The following PRKG1 variants were observed in gnomAD, a reference collection of about 807,000 sequenced individuals.
The protein encoded by PRKG1 is cGMP-dependent protein kinase 1.
In PRKG1, 35 loss-of-function variants were observed where a neutral mutation model predicts 88.1. That is an observed-to-expected ratio of 0.40 (90% confidence interval 0.30 to 0.53). PRKG1 has a LOEUF of 0.53. Ranked by LOEUF, PRKG1 falls within the 20% of genes least tolerant of loss-of-function variation. The probability of loss-of-function intolerance (pLI) is 0.59; values close to 1 mark genes in which losing one functional copy is unlikely to be tolerated. For synonymous variants in PRKG1, 303 were observed against 292.5 expected (o/e 1.04, Z -0.37); for missense variants, 540 against 839.8 (o/e 0.64, Z 4.41).
chr10:51,720,593 T>C (rs1249511516), intron 3 of PRKG1, among the ~76,000 whole-genome samples: 3 of 152,142 alleles, frequency 2.0e-5, no homozygotes, highest in African/African-American at 7.2e-5. Context: ...TTATAATTTA[T>C]TGTCCAAACA....
At chr10:51,904,090 C>G (rs1842036174) in intron 4 of PRKG1, among the ~76,000 whole-genome samples, 1 of 152,128 alleles carries the variant, frequency 6.6e-6, no homozygotes, top group South Asian at 2.1e-4. Flanking sequence ...TGGAAAAGCA[C>G]TGCACATTAG....
intron 3 of PRKG1, among the ~76,000 whole-genome samples, chr10:51,545,144 A>G (rs1211218358): frequency 6.6e-6 from 1 of 152,098 alleles, no homozygotes; most frequent in Non-Finnish European, 1.5e-5. Context: ...AATACACTTA[A>G]TATGTGCATC....
At chr10:51,865,436 G>A (rs76809814) in intron 4 of PRKG1, among the ~76,000 whole-genome samples, 13,979 of 151,878 alleles carry the variant, frequency 0.092, 825 homozygotes, top group African/African-American at 0.16. Context: ...TCTTTTGAAG[G>A]CATTAAGCAT....
At chr10:51,585,924 C>T (rs148798874) in intron 3 of PRKG1, among the ~76,000 whole-genome samples, 182 of 152,096 alleles carry the variant, frequency 1.2e-3, no homozygotes, top group African/African-American at 4.0e-3. Flanking sequence ...ACATGATAAA[C>T]GGGTACACAT....
intron 3 of PRKG1, among the ~76,000 whole-genome samples, chr10:51,507,308 TAAAAA>T (rs1255440927): frequency 6.7e-6 from 1 of 148,480 alleles, no homozygotes; most frequent in African/African-American, 2.5e-5. Context: ...TAAAAAAAAA[TAAAAA>T]TAAAAATAAA....
intron 2 of PRKG1, among the ~76,000 whole-genome samples, chr10:51,186,840 A>G (rs1249941583): frequency 2.0e-5 from 3 of 151,386 alleles, no homozygotes; most frequent in Non-Finnish European, 4.4e-5. Context: ...TGCAGTTTCT[A>G]TACTTTTTAC....
intron 7 of PRKG1, among the ~76,000 whole-genome samples, chr10:52,087,642 G>T (rs146438382): frequency 6.6e-6 from 1 of 152,168 alleles, no homozygotes; most frequent in East Asian, 1.9e-4. Flanking sequence ...AATATTTTGT[G>T]CTACACTGGT....
At chr10:51,449,546 G>A (rs1405638546) in intron 2 of PRKG1, among the ~76,000 whole-genome samples, 1 of 141,660 alleles carries the variant, frequency 7.1e-6, no homozygotes, top group Non-Finnish European at 1.5e-5. Context: ...CCCAAGGCTA[G>A]CAAACTTCAA....
intron 9 of PRKG1, among the ~76,000 whole-genome samples, chr10:52,196,259 G>A (rs900542850): frequency 5.9e-5 from 9 of 151,984 alleles, no homozygotes; most frequent in Admixed American, 2.6e-4. Context: ...CTCATGATCC[G>A]CCCTCCTCAG....
chr10:51,848,585 CAGA>C (rs1840462853), intron 4 of PRKG1, among the ~76,000 whole-genome samples: 2 of 151,780 alleles, frequency 1.3e-5, no homozygotes, highest in African/African-American at 4.8e-5. Context: ...TTCCTAGAGA[CAGA>C]AGATCATCAG....
intron 2 of PRKG1, among the ~76,000 whole-genome samples, chr10:51,274,902 T>C (rs886389720): frequency 6.6e-6 from 1 of 152,222 alleles, no homozygotes; most frequent in Non-Finnish European, 1.5e-5. Context: ...TGGATAGTTG[T>C]CTCTGCCACA....
At chr10:51,735,157 G>A (rs140044729) in intron 3 of PRKG1, among the ~76,000 whole-genome samples, 86 of 152,252 alleles carry the variant, frequency 5.6e-4, no homozygotes, top group African/African-American at 1.9e-3. Context: ...AAAACAAATT[G>A]CTCACTTCCA....
chr10:51,254,098 TAC>T (rs375804126), intron 2 of PRKG1, among the ~76,000 whole-genome samples: 14 of 151,990 alleles, frequency 9.2e-5, no homozygotes, highest in African/African-American at 2.4e-4. Context: ...TATACACACA[TAC>T]ACACACACTA....
intron 5 of PRKG1, among the ~76,000 whole-genome samples, chr10:51,920,827 G>A (rs1413920581): frequency 6.6e-6 from 1 of 151,808 alleles, no homozygotes; most frequent in Non-Finnish European, 1.5e-5. Flanking sequence ...ATTATTTTTA[G>A]AGCAGTTTTA....
intron 4 of PRKG1, among the ~76,000 whole-genome samples, chr10:51,848,464 G>A (rs768744523): frequency 6.6e-6 from 1 of 152,104 alleles, no homozygotes; most frequent in Non-Finnish European, 1.5e-5. Context: ...CACTTGGACA[G>A]TTTTCTTATA....
intron 3 of PRKG1, among the ~76,000 whole-genome samples, chr10:51,759,396 A>G (rs1454862398): frequency 5.3e-5 from 8 of 151,822 alleles, no homozygotes; most frequent in Admixed American, 5.2e-4. Context: ...CCTCCCAAGT[A>G]GCTGGGACTA....
At chr10:51,440,619 T>C (rs1245296050) in intron 2 of PRKG1, among the ~76,000 whole-genome samples, 1 of 151,984 alleles carries the variant, frequency 6.6e-6, no homozygotes, top group African/African-American at 2.4e-5. Context: ...ACCCTGCAAC[T>C]GATTTCAACA....
intron 9 of PRKG1, among the ~76,000 whole-genome samples, chr10:52,230,380 C>A (rs1437696712): frequency 6.6e-6 from 1 of 152,172 alleles, no homozygotes; most frequent in Admixed American, 6.5e-5. Flanking sequence ...TAATGATCAT[C>A]TTTTATTATT....
intron 2 of PRKG1, among the ~76,000 whole-genome samples, chr10:51,171,250 G>A (rs1028073147): frequency 3.9e-5 from 6 of 152,052 alleles, no homozygotes; most frequent in African/African-American, 1.4e-4. Context: ...AAACTCTCAG[G>A]GAATACCTAG....
Sources: gnomAD v4.1 joint callset for allele counts (sites outside exome capture counted in the v4.1 genomes callset) on GRCh38, gnomAD v4.1.1 for gene constraint, MANE v1.5 for transcripts, NCBI Gene and HGNC (gene_info 2026-07-23, HGNC 2026-07-21) for gene names.